Variants in CNKSR2 observed in about 807,000 individuals in gnomAD.
CNKSR2 encodes connector enhancer of kinase suppressor of Ras 2.
CNKSR2 carries 14 observed loss-of-function variants against 84.4 expected under a neutral mutation model. That is an observed-to-expected ratio of 0.17 (90% CI 0.11 to 0.26). The LOEUF is 0.26. Ranked by LOEUF, CNKSR2 falls within the 10% of genes least tolerant of loss-of-function variation. The pLI, the probability that CNKSR2 is intolerant of heterozygous loss-of-function variation, is 1.00. For missense variants in CNKSR2, 485 were observed against 771.2 expected (o/e 0.63, Z 4.40); for synonymous variants, 275 against 277.9 (o/e 0.99, Z 0.10).
At chrX:21,433,272 C>T (rs991612898) in intron 3 of CNKSR2, among the ~76,000 whole-genome samples, 1 of 111,382 alleles carries the variant, frequency 9.0e-6, no homozygotes, top group Non-Finnish European at 1.9e-5. Context: ...CATTCATTCT[C>T]TGTTATTAAT....
At chrX:21,545,556 C>T (rs1333232598) in intron 11 of CNKSR2, among the ~76,000 whole-genome samples, 5 of 112,165 alleles carry the variant, frequency 4.5e-5, no homozygotes, top group Admixed American at 9.4e-5. Flanking sequence ...CCCAGCACAG[C>T]GCTCGAGCTC....
In CNKSR2 at chrX:21,418,085, A is replaced by G. The variant is rs978671242; in HGVS notation, c.65-8412A>G. Among the ~76,000 whole-genome samples the G allele has an allele frequency of 3.6e-4, 40 of 111,559 alleles. 1 individual carries two copies. The highest frequency in any genetic ancestry group is 1.2e-3 in the African/African-American group (36 of 30,814). On this transcript the variant is annotated intron_variant, in intron 1 of 21. Transcript: ENST00000379510. Reference sequence around the variant, plus strand: ...GGTTCCCATGAGCCTTGCAAATACTATCTTAATAACCATTATTTTAAGCTG... The same window carrying G: ...GGTTCCCATGAGCCTTGCAAATACTGTCTTAATAACCATTATTTTAAGCTG...
At chrX:21,574,892 A>G (rs951369717) in intron 13 of CNKSR2, among the ~76,000 whole-genome samples, 2 of 111,941 alleles carry the variant, frequency 1.8e-5, no homozygotes, top group African/African-American at 3.2e-5. Context: ...ATTATAAGTT[A>G]TCATTAGACT....
intron 4 of CNKSR2, among the ~76,000 whole-genome samples, chrX:21,445,566 T>G (rs758619587): frequency 1.8e-5 from 2 of 111,246 alleles, no homozygotes; most frequent in Non-Finnish European, 3.8e-5. Flanking sequence ...AGCTGTAATT[T>G]TGTATCTATT....
chrX:21,553,569 T>C (rs1436571035), intron 11 of CNKSR2, among the ~76,000 whole-genome samples: 2 of 110,969 alleles, frequency 1.8e-5, no homozygotes, highest in African/African-American at 6.5e-5. Flanking sequence ...CTGAAGTTTT[T>C]CATCTCTACC....
intron 18 of CNKSR2, among the ~76,000 whole-genome samples, chrX:21,603,126 A>G (rs1484490533): frequency 8.9e-6 from 1 of 112,202 alleles, no homozygotes; most frequent in African/African-American, 3.2e-5. Context: ...TGGATTCGTG[A>G]TGTATTGGTC....
intron 1 of CNKSR2, among the ~76,000 whole-genome samples, chrX:21,381,746 A>G (rs1419299211): frequency 9.0e-6 from 1 of 111,545 alleles, no homozygotes; most frequent in Non-Finnish European, 1.9e-5. Flanking sequence ...TTTGCCTACC[A>G]CTGGACATTT....
At chrX:21,465,032 C>T (rs1258085718) in intron 4 of CNKSR2, among the ~76,000 whole-genome samples, 1 of 111,877 alleles carries the variant, frequency 8.9e-6, no homozygotes, top group East Asian at 2.8e-4. Context: ...TGCATTTGTT[C>T]AGTGTGTTCA....
intron 1 of CNKSR2, among the ~76,000 whole-genome samples, chrX:21,393,233 G>T (rs1442779234): frequency 3.6e-5 from 4 of 112,251 alleles, no homozygotes; most frequent in African/African-American, 6.5e-5. Flanking sequence ...TGCTCTGTGA[G>T]TACCAGCCTA....
At chrX:21,512,137 A>G (rs750718859) in intron 8 of CNKSR2, among the ~76,000 whole-genome samples, 2 of 112,238 alleles carry the variant, frequency 1.8e-5, no homozygotes, top group African/African-American at 3.2e-5. Context: ...TTAAAAACAT[A>G]TGAAACACCT....
At chrX:21,488,686 G>C (rs1449667929) in intron 5 of CNKSR2, among the ~76,000 whole-genome samples, 3 of 111,640 alleles carry the variant, frequency 2.7e-5, no homozygotes, top group Non-Finnish European at 5.7e-5. Context: ...ACAGAACATA[G>C]TAAATAAAAA....
At chrX:21,588,679 A>G (rs181831800) in intron 13 of CNKSR2, among the ~76,000 whole-genome samples, 12 of 111,760 alleles carry the variant, frequency 1.1e-4, no homozygotes, top group African/African-American at 3.9e-4. Context: ...AAACCTGGAG[A>G]GTGTAAAATA....
chrX:21,531,072 A>G (rs2091881871), intron 10 of CNKSR2, among the ~76,000 whole-genome samples: 1 of 111,040 alleles, frequency 9.0e-6, no homozygotes, highest in African/African-American at 3.3e-5. Context: ...GAGTTCTAGG[A>G]ATATGTCTTT....
chrX:21,464,204 G>A (rs2091097986), intron 4 of CNKSR2, among the ~76,000 whole-genome samples: 1 of 112,266 alleles, frequency 8.9e-6, no homozygotes, highest in African/African-American at 3.2e-5. Context: ...GTGAACATCA[G>A]CTGAATTTGG....
chrX:21,598,770 G>C (rs2092464064), intron 17 of CNKSR2, among the ~76,000 whole-genome samples: 1 of 112,522 alleles, frequency 8.9e-6, no homozygotes, highest in South Asian at 3.6e-4. Context: ...CCGTCACTAA[G>C]ATATGGAAAT....
At chrX:21,597,342 C>T (rs1039893723) in intron 17 of CNKSR2, among the ~76,000 whole-genome samples, 1 of 110,444 alleles carries the variant, frequency 9.1e-6, no homozygotes, top group Admixed American at 9.7e-5. Context: ...TTGTGTGGTT[C>T]ATTTTGTTGG....
intron 11 of CNKSR2, among the ~76,000 whole-genome samples, chrX:21,541,680 A>C (rs1467364012): frequency 8.9e-6 from 1 of 112,005 alleles, no homozygotes; most frequent in Non-Finnish European, 1.9e-5. Flanking sequence ...TTGAGCGTTC[A>C]GGTATGCCAA....
intron 8 of CNKSR2, among the ~76,000 whole-genome samples, chrX:21,514,842 A>C (rs766334711): frequency 9.0e-6 from 1 of 111,182 alleles, no homozygotes; most frequent in South Asian, 3.8e-4. Context: ...GTGTGCATTC[A>C]TATTTTTTTG....
At chrX:21,607,739 G>A (rs2092526434) in intron 19 of CNKSR2, among the ~76,000 whole-genome samples, 1 of 110,651 alleles carries the variant, frequency 9.0e-6, no homozygotes, top group Admixed American at 9.7e-5. Context: ...GGGAGGTGGA[G>A]GTTGCAGTGA....
Sources: allele counts gnomAD v4.1 joint callset (sites outside exome capture counted in the v4.1 genomes callset), GRCh38; gene constraint gnomAD v4.1.1; transcripts MANE v1.5; gene names NCBI Gene and HGNC (gene_info 2026-07-23, HGNC 2026-07-21).